OLFML2B: variants seen among roughly 807,000 people sequenced by gnomAD.
OLFML2B encodes olfactomedin like 2B.
OLFML2B carries 57 observed loss-of-function variants against 74.9 expected under a neutral mutation model. The observed-to-expected ratio is 0.76, with a 90% CI of 0.61 to 0.95. The LOEUF is 0.95. Ranked by LOEUF, OLFML2B falls within the 40% of genes least tolerant of loss-of-function variation. The pLI is 0.00. For missense variants in OLFML2B, 986 were observed against 970.6 expected (o/e 1.02, Z -0.21); for synonymous variants, 388 against 405.8 (o/e 0.96, Z 0.53).
rs184089027 is a variant in OLFML2B at position 162,021,131 on chromosome 1, G to C, written c.175-949C>G. ...ACTGGAAGCCAGGGAAGACTTCTTC[G>C]AGGAGTGGCATTTAATCTGGGCCTT... On this transcript the variant is annotated intron_variant, in intron 1 of 7. Transcript: ENST00000294794. Among the ~76,000 whole-genome samples the C allele has an allele frequency of 1.5e-3, 225 of 152,330 alleles. 2 individuals are homozygous for C. Among genetic ancestry groups the C allele is most frequent in the Admixed American group, 3.9e-3 (59 of 15,306 alleles).
rs368990706 is a variant in OLFML2B at position 162,005,902 on chromosome 1, C to CTAAAAAA, written c.723+394_723+395insTTTTTTA. On this transcript the variant is annotated intron_variant, in intron 4 of 7. Coordinates refer to ENST00000294794, the MANE Select transcript of OLFML2B (RefSeq NM_015441.3). ...CCTTGGTGGCAGAGCTGGAACCTAT[C>CTAAAAAA]AAAAAAAAAAAAAAAAAAAAAAAAA... Among the ~76,000 whole-genome samples the CTAAAAAA allele has an allele frequency of 4.6e-3, 359 of 77,880 alleles. 30 individuals carry two copies. Among genetic ancestry groups the CTAAAAAA allele is most frequent in the African/African-American group, 0.011 (335 of 29,176 alleles). 51.1% of individuals were successfully genotyped at this position (77,880 alleles called of 152,430 possible).
rs532614408 is a variant in OLFML2B at position 162,016,249 on chromosome 1, C to T, written c.546+1151G>A. On this transcript the variant is annotated intron_variant, in intron 3 of 7. Transcript: ENST00000294794. Reference sequence around the variant, plus strand: ...TCATACTGATTAGCATACTTTGTATCCTCTCAGCAATCATATGGAGTAGGC... The same window carrying T: ...TCATACTGATTAGCATACTTTGTATTCTCTCAGCAATCATATGGAGTAGGC... Among the ~76,000 whole-genome samples, 60 of 152,286 alleles carry T rather than the reference C, an allele frequency of 3.9e-4. No individual in the cohort carries two copies. The South Asian group carries it at 0.012, about 30-fold the overall frequency.
intron 3 of OLFML2B, among the ~76,000 whole-genome samples, chr1:162,009,572 T>C (rs1266924850): frequency 6.6e-6 from 1 of 152,216 alleles, no homozygotes; most frequent in Non-Finnish European, 1.5e-5. Flanking sequence ...TTTCCACAGA[T>C]GAGGGTTTTA....
chr1:161,984,022 G>C lies in OLFML2B; in HGVS notation c.1906C>G (p.Leu636Val). 1.2e-6 allele frequency: 2 copies of C among 1,614,196 alleles called. No individual in the cohort carries two copies. Among genetic ancestry groups the C allele is most frequent in the South Asian group, 2.2e-5 (2 of 91,084 alleles). ...ENGLWLIYPA[L>V]DDEGFSQEVI... Reference sequence around the variant, plus strand: ...TCCTGGCTGAAGCCCTCATCGTCCAGGGCCGGGTAGATGAGCCATAGGCCA... The same window carrying C: ...TCCTGGCTGAAGCCCTCATCGTCCACGGCCGGGTAGATGAGCCATAGGCCA... The change falls in exon 8 of 8, where the codon CTG becomes GTG. Residue 636 changes from leucine to valine, a missense_variant. Leu to Val is a conservative substitution (Grantham distance 32, BLOSUM62 1). Coordinates refer to ENST00000294794, the MANE Select transcript of OLFML2B (RefSeq NM_015441.3).
chr1:161,984,361 G>C (rs1247467869), intron 7 of OLFML2B, 85 bp from the exon 8 acceptor site: 1 of 1,486,838 alleles, frequency 6.7e-7, no homozygotes, highest in Non-Finnish European at 8.9e-7. Flanking sequence ...GATGATCAAC[G>C]AGGGGTCTGG....
At chr1:161,999,011 C>T (rs1382956600) in intron 5 of OLFML2B, among the ~76,000 whole-genome samples, 2 of 152,076 alleles carry the variant, frequency 1.3e-5, no homozygotes, top group Non-Finnish European at 2.9e-5. Flanking sequence ...GTGCAGCGGC[C>T]CAGGAGCAGC....
chr1:161,989,266 G>A (rs1469346824), intron 6 of OLFML2B, among the ~76,000 whole-genome samples: 4 of 152,120 alleles, frequency 2.6e-5, no homozygotes, highest in Non-Finnish European at 4.4e-5. Flanking sequence ...AGCCCTTCCT[G>A]CATCACCATT....
At chr1:162,004,890 C>T (rs1377801906) in intron 4 of OLFML2B, among the ~76,000 whole-genome samples, 1 of 152,230 alleles carries the variant, frequency 6.6e-6, no homozygotes, top group Non-Finnish European at 1.5e-5. Flanking sequence ...CCCTGGGCAC[C>T]AGTGTGCCAC....
intron 3 of OLFML2B, among the ~76,000 whole-genome samples, chr1:162,009,111 GA>G (rs1213457683): frequency 6.6e-6 from 1 of 152,210 alleles, no homozygotes; most frequent in Non-Finnish European, 1.5e-5. Context: ...CTGCCCTGGT[GA>G]AGGGCACCCT....
At position 161,997,830 on chromosome 1, in the gene OLFML2B, A is replaced by C; in HGVS notation, c.1469T>G (p.Val490Gly). The change falls in exon 6 of 8, where the codon GTC becomes GGC. Residue 490 changes from valine to glycine, a missense_variant. Transcript: ENST00000294794. ...SPEEEDDIRNVIGRCKDTLST... is the reference protein window; with the variant it reads ...SPEEEDDIRNGIGRCKDTLST... ...GCCAGGTACAATGAACTTACCTATG[A>C]CATTCCGGATGTCATCTTCTTCTTC... is the stretch of plus-strand genomic sequence containing the variant. 1 of 1,611,860 alleles carries C rather than the reference A, an allele frequency of 6.2e-7. No individual in the cohort carries two copies. Among genetic ancestry groups the C allele is most frequent in the Non-Finnish European group, 8.5e-7 (1 of 1,178,554 alleles).
chr1:161,999,999 T>C (rs1172720818), intron 5 of OLFML2B, 114 bp downstream of exon 5: 11 of 774,780 alleles, frequency 1.4e-5, no homozygotes, highest in Admixed American at 9.5e-5. Flanking sequence ...CAGCAGTAAT[T>C]GGAATGCTGT....
In OLFML2B at chr1:161,998,271, G is replaced by T; in HGVS notation, c.1028C>A (p.Thr343Asn). 5.0e-6 allele frequency: 8 copies of T among 1,606,586 alleles called. No homozygotes were observed. The highest frequency in any genetic ancestry group is 6.0e-6 in the Non-Finnish European group (7 of 1,173,950). Reference protein sequence around the residue: ...DQLLRHNGLMTSVTRRPAATR... With the variant: ...DQLLRHNGLMNSVTRRPAATR... ...GGCTGCAGGCCTCCGGGTGACACTG[G>T]TCATCAGGCCGTTGTGTCTCAGGAG... The change falls in exon 6 of 8, where the codon ACC (threonine) becomes AAC (asparagine). Residue 343 changes from threonine (T) to asparagine (N), a missense_variant. Coordinates refer to ENST00000294794, the MANE Select transcript of OLFML2B (RefSeq NM_015441.3).
chr1:161,998,027 T>C lies in OLFML2B; in HGVS notation c.1272A>G (p.Thr424=), dbSNP rs1689966371. The stretch of plus-strand genomic sequence containing the variant: ...CTGGGGCTGCTGGTTGCTGGGTGGC[T>C]GTGTGGGCCACAGTGGTGGCTGGTA... ...PQVPATTVAH[T]ATQQPAAPAP... The change falls in exon 6 of 8, where the codon ACA becomes ACG. Residue 424 remains threonine, a synonymous_variant. Transcript: ENST00000294794. The C allele has an allele frequency of 1.2e-6, 2 of 1,614,106 alleles. No individual in the cohort carries two copies. The highest frequency in any genetic ancestry group is 1.7e-6 in the Non-Finnish European group (2 of 1,179,994).
intron 6 of OLFML2B, among the ~76,000 whole-genome samples, chr1:161,988,630 C>T (rs1345105787): frequency 6.6e-6 from 1 of 151,476 alleles, no homozygotes; most frequent in Non-Finnish European, 1.5e-5. Context: ...TGGTCCCGCC[C>T]ACCTGCCTGG....
intron 6 of OLFML2B, among the ~76,000 whole-genome samples, chr1:161,997,397 T>C (rs1410430988): frequency 6.6e-6 from 1 of 152,208 alleles, no homozygotes; most frequent in Non-Finnish European, 1.5e-5. Flanking sequence ...GCTATTCCCC[T>C]GCTCTCACTC....
rs192548726 is a variant in OLFML2B at position 162,014,163 on chromosome 1, G to A, written c.546+3237C>T. On this transcript the variant is annotated intron_variant, in intron 3 of 7. Transcript: ENST00000294794. ...TCTTGAGCTGGTTGGTGGTTACACA[G>A]GCATTTTGTTCATGGTAATTTGTTA... Among the ~76,000 whole-genome samples the A allele has an allele frequency of 2.7e-4, 41 of 152,236 alleles. 1 individual carries two copies. In the Middle Eastern group the frequency reaches 0.01, roughly 38 times the overall value.
At position 161,983,835 on chromosome 1, in the gene OLFML2B, TAGG is replaced by T; in HGVS notation, c.2090_2092del (p.Ser697del). 1 of 1,614,128 alleles carries T rather than the reference TAGG, an allele frequency of 6.2e-7. No homozygotes were observed. The highest frequency in any genetic ancestry group is 8.5e-7 in the Non-Finnish European group (1 of 1,180,004). ...TGTGTTGGTGTGGGTGTCGAAAGCG[TAGG>T]AGATGTTGGCATTCCGCTGGTTGTA... On this transcript the variant is annotated inframe_deletion, in exon 8 of 8. Coordinates refer to ENST00000294794, the MANE Select transcript of OLFML2B (RefSeq NM_015441.3).
rs552575319 is a variant in OLFML2B at position 161,998,584 on chromosome 1, C to A, written c.950-235G>T. Among the ~76,000 whole-genome samples, 3 of 152,294 alleles carry A rather than the reference C, an allele frequency of 2.0e-5. No individual in the cohort carries two copies. In the South Asian group the frequency reaches 6.2e-4, roughly 32 times the overall value. On this transcript the variant is annotated intron_variant, in intron 5 of 7. Coordinates refer to ENST00000294794, the MANE Select transcript of OLFML2B (RefSeq NM_015441.3). ...GACTGCAGCCATGCTCCCCCCAGGA[C>A]TCAGGGGTCACTGGCAGGACGCATA... is the stretch of plus-strand genomic sequence containing the variant.
In OLFML2B at chr1:162,000,128, C is replaced by T. The variant is rs1404059914; in HGVS notation, c.934G>A (p.Asp312Asn). Residue 312 changes from aspartate (D) to asparagine (N), a missense_variant, in exon 5 of 8, where the codon GAC becomes AAC. Coordinates refer to ENST00000294794, the MANE Select transcript of OLFML2B (RefSeq NM_015441.3). ...CCCAACTCACGCTGCTCTTCAATGT[C>T]ATTCTCTTCTTCAGAGACCTTGGCT... The part of the protein sequence containing the change: ...YKAKVSEEEN[D>N]IEEQQDEFFS... 1 of 1,599,356 alleles carries T rather than the reference C, an allele frequency of 6.3e-7. No homozygotes were observed. Among genetic ancestry groups the T allele is most frequent in the African/African-American group, 1.3e-5 (1 of 74,518 alleles).
Sources: gnomAD v4.1 joint callset for allele counts (sites outside exome capture counted in the v4.1 genomes callset) on GRCh38, gnomAD v4.1.1 for gene constraint, MANE v1.5 for transcripts, NCBI Gene and HGNC (gene_info 2026-07-23, HGNC 2026-07-21) for gene names.